Variants in KIF6 observed in about 807,000 individuals in gnomAD.
KIF6 encodes kinesin-like protein KIF6.
In KIF6, 106 loss-of-function variants were observed where a neutral mutation model predicts 112.7. That is an observed-to-expected ratio of 0.94 (90% CI 0.80 to 1.11). KIF6 has a LOEUF of 1.11. KIF6 is among the 50% of genes least tolerant of loss of function. KIF6 has a pLI of 0.00. For synonymous variants in KIF6, 339 were observed against 339.9 expected (o/e 1.00, Z 0.03); for missense variants, 929 against 964.0 (o/e 0.96, Z 0.48).
chr6:39,343,500 T>A lies in KIF6; in HGVS notation c.2428+209A>T, dbSNP rs1284096733. 6.7e-7 allele frequency: 1 copy of A among 1,496,104 alleles called. No homozygotes were observed. The highest frequency in any genetic ancestry group is 8.9e-7 in the Non-Finnish European group (1 of 1,121,624). The allele number at this position is 1,496,104 out of a possible 1,614,324, so 92.7% of individuals were successfully genotyped here. On this transcript the variant is annotated intron_variant, in intron 22 of 22. Transcript: ENST00000287152. The surrounding 1 kb of genome is among the most constrained non-coding windows in gnomAD (Gnocchi z 4.1). ...GGAGCACCTGGGCCGCCCACCCACT[T>A]GGGCCTGTCTTGGTGTTTCTGATGC...
intron 3 of KIF6, among the ~76,000 whole-genome samples, chr6:39,646,829 T>G (rs145029198): frequency 6.6e-6 from 1 of 152,196 alleles, no homozygotes; most frequent in East Asian, 1.9e-4. Flanking sequence ...TTCCGCCTTA[T>G]CCATACTTGC....
chr6:39,503,834 C>T (rs1776274814), intron 13 of KIF6, among the ~76,000 whole-genome samples: 1 of 147,446 alleles, frequency 6.8e-6, no homozygotes, highest in Admixed American at 6.8e-5. Context: ...GCAGTAATAG[C>T]CTACCAACCA....
chr6:39,408,633 C>G (rs1473372954), intron 15 of KIF6, among the ~76,000 whole-genome samples: 1 of 151,584 alleles, frequency 6.6e-6, no homozygotes, highest in Non-Finnish European at 1.5e-5. Context: ...GTGCCTCTCT[C>G]TCTCTCTCTC....
chr6:39,589,511 C>T (rs557052852), intron 7 of KIF6, among the ~76,000 whole-genome samples: 6 of 152,174 alleles, frequency 3.9e-5, no homozygotes, highest in Non-Finnish European at 7.3e-5. Context: ...CCTCAGTTCT[C>T]GTGGCAGCCC....
At chr6:39,721,808 G>GT (rs1336178791) in intron 1 of KIF6, among the ~76,000 whole-genome samples, 3 of 63,208 alleles carry the variant, frequency 4.7e-5, no homozygotes, top group Non-Finnish European at 1.3e-4. Flanking sequence ...TAGATTTAAA[G>GT]GTTTTTTTTT....
At chr6:39,662,998 G>T (rs952110820) in intron 3 of KIF6, among the ~76,000 whole-genome samples, 2 of 151,002 alleles carry the variant, frequency 1.3e-5, no homozygotes, top group South Asian at 4.2e-4. Flanking sequence ...AGACTCAATT[G>T]ATCCTCCCAC....
intron 10 of KIF6, among the ~76,000 whole-genome samples, chr6:39,567,577 A>G (rs1203421755): frequency 6.6e-6 from 1 of 152,038 alleles, no homozygotes; most frequent in South Asian, 2.1e-4. Context: ...CCTAGCATCC[A>G]GTGGATACCA....
intron 14 of KIF6, among the ~76,000 whole-genome samples, chr6:39,425,314 C>T (rs1361101817): frequency 1.3e-5 from 2 of 152,158 alleles, no homozygotes; most frequent in Non-Finnish European, 2.9e-5. Flanking sequence ...CATCCAATAC[C>T]CTTCCCTGTC....
At chr6:39,543,278 C>G (rs6904747) in intron 12 of KIF6, among the ~76,000 whole-genome samples, 4,554 of 152,114 alleles carry the variant, frequency 0.03, 238 homozygotes, top group African/African-American at 0.1. Flanking sequence ...GAGGTCCAGG[C>G]CGAGACCATG....
intron 10 of KIF6, among the ~76,000 whole-genome samples, chr6:39,571,868 C>T (rs566371865): frequency 6.6e-6 from 1 of 152,174 alleles, no homozygotes; most frequent in African/African-American, 2.4e-5. Context: ...CTCTACACTC[C>T]TTACCCCACC....
intron 15 of KIF6, among the ~76,000 whole-genome samples, chr6:39,388,310 T>G (rs1314251383): frequency 3.3e-5 from 5 of 149,900 alleles, no homozygotes; most frequent in African/African-American, 1.2e-4. Context: ...AATGACCAGG[T>G]TTAAGGATTC....
intron 13 of KIF6, among the ~76,000 whole-genome samples, chr6:39,471,364 C>T (rs1441558219): frequency 6.6e-6 from 1 of 152,188 alleles, no homozygotes; most frequent in Non-Finnish European, 1.5e-5. Context: ...TCACTGCCTT[C>T]TTGTCTGGCC....
chr6:39,477,117 C>A (rs1248904013), intron 13 of KIF6, among the ~76,000 whole-genome samples: 3 of 152,138 alleles, frequency 2.0e-5, no homozygotes, highest in African/African-American at 7.2e-5. Flanking sequence ...TGAAAAGGTG[C>A]TCAACCTCAC....
Position 39,617,391 on chromosome 6 carries a change from C to A in KIF6, c.510-4073G>T, listed in dbSNP as rs375818742. Among the ~76,000 whole-genome samples, 3 of 152,296 alleles carry A rather than the reference C, an allele frequency of 2.0e-5. No individual in the cohort carries two copies. The South Asian group carries it at 6.2e-4, about 32-fold the overall frequency. ...CAATGAAAGAATCCTCCACCCCACA[C>A]CCTACCTCCACATTTCAGTACCATC... On this transcript the variant is annotated intron_variant, in intron 5 of 22. Coordinates refer to ENST00000287152, the MANE Select transcript of KIF6 (RefSeq NM_145027.6).
intron 6 of KIF6, among the ~76,000 whole-genome samples, chr6:39,599,267 T>C (rs2150692076): frequency 6.6e-6 from 1 of 152,234 alleles, no homozygotes; most frequent in African/African-American, 2.4e-5. Flanking sequence ...AGTAAATATG[T>C]TCAGATCTCC....
intron 6 of KIF6, among the ~76,000 whole-genome samples, chr6:39,607,122 C>T (rs187625727): frequency 1.3e-5 from 2 of 152,124 alleles, no homozygotes; most frequent in East Asian, 1.9e-4. Flanking sequence ...CTTTCATATG[C>T]TATGTTTAAT....
chr6:39,490,840 C>T (rs907651213), intron 13 of KIF6, among the ~76,000 whole-genome samples: 1 of 151,990 alleles, frequency 6.6e-6, no homozygotes, highest in Admixed American at 6.6e-5. Flanking sequence ...AAAACCCCAC[C>T]CTGTATAATA....
intron 18 of KIF6, among the ~76,000 whole-genome samples, chr6:39,357,616 T>A (rs1764813673): frequency 6.6e-6 from 1 of 152,026 alleles, no homozygotes; most frequent in South Asian, 2.1e-4. Flanking sequence ...GCCCGGCAAA[T>A]TTTTGTATTT....
At chr6:39,546,834 A>AC (rs1318239628) in intron 10 of KIF6, among the ~76,000 whole-genome samples, 1 of 152,010 alleles carries the variant, frequency 6.6e-6, no homozygotes, top group Non-Finnish European at 1.5e-5. Flanking sequence ...TCAAAAAAAA[A>AC]AAAAAAAAAA....
Sources: gnomAD v4.1 joint callset for allele counts (sites outside exome capture counted in the v4.1 genomes callset) on GRCh38, gnomAD v4.1.1 for gene constraint, Gnocchi (gnomAD v3.1) non-coding constraint, MANE v1.5 for transcripts, NCBI Gene and HGNC (gene_info 2026-07-23, HGNC 2026-07-21) for gene names.